Variants in PABPC4L observed in about 807,000 individuals in gnomAD.
PABPC4L encodes poly(A) binding protein cytoplasmic 4 like.
For missense variants in PABPC4L, 452 were observed against 451.4 expected, an observed-to-expected ratio of 1.00 and a Z score of -0.01; for synonymous variants, 169 against 164.1, an observed-to-expected ratio of 1.03 and a Z score of -0.23.
the PABPC4L span, among the ~76,000 whole-genome samples, chr4:134,187,842 T>C: frequency 6.6e-6 from 1 of 152,148 alleles, no homozygotes; most frequent in Non-Finnish European, 1.5e-5. Flanking sequence ...GTTTCTTGTA[T>C]ACAAGATATA....
chr4:134,196,252 T>C (rs1729652562), downstream of PABPC4L: 1 of 151,578 alleles, frequency 6.6e-6, no homozygotes, highest in Admixed American at 6.6e-5. Flanking sequence ...ACACAAGTAA[T>C]TTTCAGTTCA....
the PABPC4L span, among the ~76,000 whole-genome samples, chr4:134,099,391 A>T: frequency 6.6e-6 from 1 of 151,680 alleles, no homozygotes; most frequent in Admixed American, 6.6e-5. Flanking sequence ...GAATAAATAT[A>T]CTTAACCTTT....
At chr4:133,952,181 T>G in the PABPC4L span, among the ~76,000 whole-genome samples, 2 of 152,096 alleles carry the variant, frequency 1.3e-5, no homozygotes, top group African/African-American at 4.8e-5. Flanking sequence ...CTCCAGGACG[T>G]TTTCTAAGAC....
chr4:134,073,190 C>A, the PABPC4L span, among the ~76,000 whole-genome samples: 402 of 152,240 alleles, frequency 2.6e-3, no homozygotes, highest in Non-Finnish European at 4.6e-3. Flanking sequence ...GCTGTAAAAT[C>A]AAAAGCAAGC....
chr4:134,044,355 C>T, the PABPC4L span, among the ~76,000 whole-genome samples: 1 of 152,246 alleles, frequency 6.6e-6, no homozygotes, highest in African/African-American at 2.4e-5. Flanking sequence ...GCTCAGCCTC[C>T]CGGGTTCACA....
At chr4:134,003,337 A>G in the PABPC4L span, among the ~76,000 whole-genome samples, 1 of 151,908 alleles carries the variant, frequency 6.6e-6, no homozygotes, top group East Asian at 1.9e-4. Flanking sequence ...CCTTCTTTAC[A>G]TATTTATTCC....
chr4:134,118,063 G>A, the PABPC4L span, among the ~76,000 whole-genome samples: 1 of 151,720 alleles, frequency 6.6e-6, no homozygotes, highest in Non-Finnish European at 1.5e-5. Flanking sequence ...TGGGACTTAG[G>A]GGACCTAAGG....
chr4:133,968,974 G>T, the PABPC4L span, among the ~76,000 whole-genome samples: 1 of 152,012 alleles, frequency 6.6e-6, no homozygotes, highest in African/African-American at 2.4e-5. Context: ...CCCAACCTGG[G>T]GTCTAATAGG....
the PABPC4L span, among the ~76,000 whole-genome samples, chr4:133,955,910 T>G: frequency 6.6e-6 from 1 of 152,188 alleles, no homozygotes; most frequent in African/African-American, 2.4e-5. Context: ...ATGTTTTCAT[T>G]TAACCCCTGG....
At chr4:134,160,217 G>A in the PABPC4L span, among the ~76,000 whole-genome samples, 1 of 152,118 alleles carries the variant, frequency 6.6e-6, no homozygotes, top group Admixed American at 6.5e-5. Flanking sequence ...GGCTGTGGTG[G>A]CCATGAAGAT....
chr4:134,090,395 C>A, the PABPC4L span, among the ~76,000 whole-genome samples: 1 of 151,822 alleles, frequency 6.6e-6, no homozygotes, highest in Non-Finnish European at 1.5e-5. Flanking sequence ...AAATACATTC[C>A]TTCACACAGT....
the PABPC4L span, among the ~76,000 whole-genome samples, chr4:134,137,910 A>G: frequency 6.6e-6 from 1 of 151,812 alleles, no homozygotes; most frequent in East Asian, 1.9e-4. Context: ...GTTATTAAGT[A>G]CATTTCCCAA....
the PABPC4L span, among the ~76,000 whole-genome samples, chr4:133,978,316 A>G: frequency 6.6e-6 from 1 of 152,144 alleles, no homozygotes; most frequent in Non-Finnish European, 1.5e-5. Context: ...GATAGTAAAA[A>G]TCAGTTGCAG....
chr4:134,175,695 C>T, the PABPC4L span, among the ~76,000 whole-genome samples: 124 of 152,216 alleles, frequency 8.1e-4, 2 homozygotes, highest in South Asian at 0.018. Flanking sequence ...GTGATTCACC[C>T]GCCTTGGCTT....
chr4:134,006,925 G>T, the PABPC4L span, among the ~76,000 whole-genome samples: 5 of 151,734 alleles, frequency 3.3e-5, no homozygotes, highest in East Asian at 5.8e-4. Context: ...TGTTGATACT[G>T]CAAGTTGTGA....
the PABPC4L span, among the ~76,000 whole-genome samples, chr4:133,982,512 G>A: frequency 2.6e-5 from 4 of 152,008 alleles, 1 homozygote; most frequent in Admixed American, 2.6e-4. Context: ...TCTTTTTGCA[G>A]TGGTTGAATA....
At chr4:134,095,772 C>T in the PABPC4L span, among the ~76,000 whole-genome samples, 3 of 151,934 alleles carry the variant, frequency 2.0e-5, no homozygotes, top group South Asian at 6.2e-4. Context: ...TACCTATACA[C>T]ATTCCTATCT....
chr4:134,077,009 T>C, the PABPC4L span, among the ~76,000 whole-genome samples: 3 of 152,286 alleles, frequency 2.0e-5, no homozygotes, highest in South Asian at 6.2e-4. Flanking sequence ...GAATAGTTCA[T>C]ATTATAGCTT....
the PABPC4L span, among the ~76,000 whole-genome samples, chr4:133,954,781 A>G: frequency 6.6e-6 from 1 of 152,152 alleles, no homozygotes; most frequent in Admixed American, 6.5e-5. Context: ...AATATTAGGA[A>G]TTCTTTACCA....
Sources: gnomAD v4.1 joint callset for allele counts (sites outside exome capture counted in the v4.1 genomes callset) on GRCh38, gnomAD v4.1.1 for gene constraint, MANE v1.5 for transcripts, NCBI Gene and HGNC (gene_info 2026-07-23, HGNC 2026-07-21) for gene names.